The following PTPRD variants were observed in gnomAD, a reference collection of about 807,000 sequenced individuals.
PTPRD encodes protein tyrosine phosphatase receptor type D, also known as receptor-type tyrosine-protein phosphatase delta.
In PTPRD, 34 loss-of-function variants were observed where a neutral mutation model predicts 214.5. The observed-to-expected ratio is 0.16, with a 90% confidence interval of 0.12 to 0.21. PTPRD has a LOEUF of 0.21. PTPRD is among the 10% of genes least tolerant of loss of function. The pLI is 1.00. For missense variants in PTPRD, 2,545 were observed against 2,398.7 expected (o/e 1.06, Z -1.27); for synonymous variants, 1,128 against 845.7 (o/e 1.33, Z -5.79).
chr9:10,004,712 T>A (rs2096430777), intron 4 of PTPRD, among the ~76,000 whole-genome samples: 1 of 152,070 alleles, frequency 6.6e-6, no homozygotes, highest in Non-Finnish European at 1.5e-5. Flanking sequence ...AGTGTCATAA[T>A]TTTATAAACA....
chr9:9,036,204 A>G (rs2099621209), intron 10 of PTPRD, among the ~76,000 whole-genome samples: 1 of 120,048 alleles, frequency 8.3e-6, no homozygotes, highest in African/African-American at 3.6e-5. Flanking sequence ...AAATTTTCAG[A>G]AAATTAAAAA....
chr9:9,360,557 A>G (rs2055705766), intron 9 of PTPRD, among the ~76,000 whole-genome samples: 1 of 151,186 alleles, frequency 6.6e-6, no homozygotes, highest in Admixed American at 6.6e-5. Flanking sequence ...TTGGGAAATT[A>G]TCTAGAAGTA....
chr9:9,917,633 A>G (rs2081323578), intron 5 of PTPRD, among the ~76,000 whole-genome samples: 1 of 151,956 alleles, frequency 6.6e-6, no homozygotes, highest in African/African-American at 2.4e-5. Flanking sequence ...AGGATATAAA[A>G]ATAGCTAAAC....
At chr9:9,571,443 T>C (rs1045276345) in intron 8 of PTPRD, among the ~76,000 whole-genome samples, 1 of 151,380 alleles carries the variant, frequency 6.6e-6, no homozygotes, top group African/African-American at 2.4e-5. Flanking sequence ...CTTATATAAC[T>C]TATTAGACAT....
chr9:10,102,754 T>A (rs2098568448), intron 3 of PTPRD, among the ~76,000 whole-genome samples: 1 of 151,570 alleles, frequency 6.6e-6, no homozygotes, highest in African/African-American at 2.4e-5. Flanking sequence ...TCAAAATGAG[T>A]ATAAAGAAAA....
intron 9 of PTPRD, among the ~76,000 whole-genome samples, chr9:9,220,319 T>TTTTTTAA (rs1555012243): frequency 0.12 from 17,905 of 148,544 alleles, 1,376 homozygotes; most frequent in Middle Eastern, 0.2. Context: ...GCTTTTTTTT[T>TTTTTTAA]AAAAGCACTA....
chr9:9,877,042 G>A (rs2067089104), intron 5 of PTPRD, among the ~76,000 whole-genome samples: 1 of 152,138 alleles, frequency 6.6e-6, no homozygotes, highest in African/African-American at 2.4e-5. Flanking sequence ...ACTTATTTAA[G>A]CTTTTTGATG....
intron 9 of PTPRD, among the ~76,000 whole-genome samples, chr9:9,345,239 C>A (rs1226911286): frequency 2.6e-5 from 4 of 151,948 alleles, no homozygotes; most frequent in South Asian, 2.1e-4. Flanking sequence ...TATATTATTT[C>A]TTAAAATTTT....
At chr9:9,021,937 C>T (rs909466147) in intron 10 of PTPRD, among the ~76,000 whole-genome samples, 1 of 149,858 alleles carries the variant, frequency 6.7e-6, no homozygotes, top group Non-Finnish European at 1.5e-5. Context: ...AACACGTGGA[C>T]ACAGGGAGGG....
chr9:9,704,619 AAT>A (rs1223799636), intron 7 of PTPRD, among the ~76,000 whole-genome samples: 1 of 152,204 alleles, frequency 6.6e-6, no homozygotes, highest in Admixed American at 6.6e-5. Flanking sequence ...AACTTCCAAG[AAT>A]ATTTCACAAT....
intron 14 of PTPRD, among the ~76,000 whole-genome samples, chr9:8,536,512 G>A (rs1429867497): frequency 1.3e-5 from 2 of 151,866 alleles, no homozygotes; most frequent in East Asian, 1.9e-4. Context: ...ATTGGTTCTA[G>A]AAGAGACAGA....
intron 11 of PTPRD, among the ~76,000 whole-genome samples, chr9:8,850,555 C>T (rs1601844005): frequency 6.6e-6 from 1 of 151,840 alleles, no homozygotes; most frequent in African/African-American, 2.4e-5. Context: ...CTTCCCCCTC[C>T]CCGAGAAAAG....
rs150880725 is a variant in PTPRD, at chr9:9,089,039, C to T, written c.-142-70304G>A. On this transcript the variant is annotated intron_variant, in intron 10 of 45. Transcript: ENST00000381196. The stretch of plus-strand genomic sequence containing the variant: ...CACTCAACATTACTCCTATTTTTAC[C>T]CCCTAGTAAAAAGAAGGTCTTTCTC... 3.7e-3 allele frequency among the ~76,000 whole-genome samples: 566 copies of T among 151,962 alleles called. 7 individuals carry two copies. Among genetic ancestry groups the T allele is most frequent in the South Asian group, 0.011 (54 of 4,812 alleles).
intron 11 of PTPRD, among the ~76,000 whole-genome samples, chr9:8,766,187 G>GAAAA (rs5896254): frequency 8.2e-6 from 1 of 121,980 alleles, no homozygotes; most frequent in Admixed American, 8.7e-5. Flanking sequence ...TACCACTGAT[G>GAAAA]AAAAAAAAAA....
intron 40 of PTPRD, 152 bp downstream of exon 40, chr9:8,341,541 G>A: frequency 2.1e-6 from 2 of 941,614 alleles, no homozygotes; most frequent in Non-Finnish European, 3.2e-6. Context: ...AAGAGGAAAA[G>A]GGGAGGAATA....
chr9:9,678,187 A>G (rs1336724600), intron 7 of PTPRD, among the ~76,000 whole-genome samples: 1 of 152,100 alleles, frequency 6.6e-6, no homozygotes, highest in Non-Finnish European at 1.5e-5. Context: ...CAAGCTACCA[A>G]TGACTTTCTT....
Position 9,082,463 on chromosome 9 carries a change from A to C in PTPRD, c.-142-63728T>G, listed in dbSNP as rs570292604. ...TTGATGGAATGTATTTTAAAACAAT[A>C]AGAGGTATTTATGACAAACCTAAGA... On this transcript the variant is annotated intron_variant, in intron 10 of 45. Coordinates refer to ENST00000381196, the MANE Select transcript of PTPRD (RefSeq NM_002839.4). 5.9e-5 allele frequency among the ~76,000 whole-genome samples: 9 copies of C among 151,888 alleles called. No homozygotes were observed. In the South Asian group the frequency reaches 1.9e-3, roughly 32 times the overall value.
intron 5 of PTPRD, among the ~76,000 whole-genome samples, chr9:9,777,943 G>C (rs962109532): frequency 6.6e-6 from 1 of 152,156 alleles, no homozygotes; most frequent in Non-Finnish European, 1.5e-5. Context: ...ATAGCAGAAA[G>C]AAAATGCTAG....
chr9:10,019,918 T>G lies in PTPRD; in HGVS notation c.-472+13800A>C, dbSNP rs933292654. 5.8e-5 allele frequency among the ~76,000 whole-genome samples: 7 copies of G among 120,852 alleles called. No individual in the cohort carries two copies. The East Asian group carries it at 1.6e-3, about 27-fold the overall frequency. The allele number at this position is 120,852 out of a possible 152,430, so 79.3% of individuals were successfully genotyped here. A position where few individuals can be genotyped will look rare whatever the true frequency, so the allele number is the denominator to read the frequency against. The stretch of plus-strand genomic sequence containing the variant: ...TGTTGTGCACATGTACCCTAGAACT[T>G]AAAGTATAATAAAAAAAATTATAGT... On this transcript the variant is annotated intron_variant, in intron 4 of 45. Transcript: ENST00000381196.
Sources: allele counts gnomAD v4.1 joint callset (sites outside exome capture counted in the v4.1 genomes callset), GRCh38; gene constraint gnomAD v4.1.1; transcripts MANE v1.5; gene names NCBI Gene and HGNC (gene_info 2026-07-23, HGNC 2026-07-21).